The following MBP variants were observed in gnomAD, a reference collection of about 807,000 sequenced individuals.
MBP encodes the protein myelin basic protein.
Under a neutral mutation model 35.8 loss-of-function variants are expected in MBP, and 16 were observed. The observed-to-expected ratio is 0.45, with a 90% confidence interval of 0.30 to 0.68. The LOEUF (loss-of-function observed/expected upper bound fraction) is 0.68, where lower values mean the gene tolerates loss of function less well. MBP is among the 30% of genes least tolerant of loss of function. The pLI is 0.08. For synonymous variants in MBP, 143 were observed against 159.6 expected, an observed-to-expected ratio of 0.90 and a Z score of 0.78; for missense variants, 380 against 404.7, an observed-to-expected ratio of 0.94 and a Z score of 0.52.
At chr18:77,117,577 G>C (rs1049144396) in intron 1 of MBP, among the ~76,000 whole-genome samples, 1 of 152,016 alleles carries the variant, frequency 6.6e-6, no homozygotes, top group African/African-American at 2.4e-5. Context: ...TGGCTTGCCT[G>C]ATAGATTGTG....
At chr18:77,045,849 G>T (rs1014369726) in intron 3 of MBP, among the ~76,000 whole-genome samples, 1 of 152,222 alleles carries the variant, frequency 6.6e-6, no homozygotes, top group African/African-American at 2.4e-5. Flanking sequence ...CTGACATCCT[G>T]GAAAGTGGAT....
chr18:77,068,711 C>T (rs139070489), intron 2 of MBP, among the ~76,000 whole-genome samples: 8 of 152,264 alleles, frequency 5.3e-5, no homozygotes, highest in South Asian at 2.1e-4. Context: ...CAGAGTCCCA[C>T]GAAACAGTTA....
chr18:76,985,874 C>T, intron 7 of MBP: 2 of 988,692 alleles, frequency 2.0e-6, no homozygotes, highest in Non-Finnish European at 2.4e-6. Context: ...GAAGAGCAGG[C>T]CGCCCTGCCC....
intron 2 of MBP, among the ~76,000 whole-genome samples, chr18:77,073,631 C>A (rs1974537171): frequency 6.6e-6 from 1 of 152,218 alleles, no homozygotes; most frequent in East Asian, 1.9e-4. Flanking sequence ...CTGTTATTTG[C>A]TGCAGATAGA....
intron 3 of MBP, among the ~76,000 whole-genome samples, chr18:77,024,102 A>G (rs1247544026): frequency 7.2e-5 from 11 of 152,336 alleles, no homozygotes; most frequent in African/African-American, 2.6e-4. Flanking sequence ...TGCTTTTTAT[A>G]TACTTATTTT....
intron 2 of MBP, among the ~76,000 whole-genome samples, chr18:77,068,653 G>T (rs1256411367): frequency 6.6e-6 from 1 of 152,194 alleles, no homozygotes; most frequent in Non-Finnish European, 1.5e-5. Flanking sequence ...TTCTGTTGCT[G>T]GTTGGCCGCT....
intron 1 of MBP, among the ~76,000 whole-genome samples, chr18:77,116,903 A>G (rs1424924428): frequency 1.3e-5 from 2 of 152,102 alleles, no homozygotes; most frequent in Non-Finnish European, 2.9e-5. Flanking sequence ...AGCAAGCCCA[A>G]GGAACACAAG....
chr18:77,013,548 T>C (rs1029933098), intron 4 of MBP: 1 of 985,300 alleles, frequency 1.0e-6, no homozygotes. Flanking sequence ...ACAGGACTGA[T>C]TATATCCCAC....
At chr18:77,079,013 G>T (rs1045896200) in intron 2 of MBP, among the ~76,000 whole-genome samples, 2 of 152,246 alleles carry the variant, frequency 1.3e-5, no homozygotes, top group African/African-American at 2.4e-5. Flanking sequence ...CCCAGCAGGA[G>T]AGGAGACTTG....
At chr18:77,120,540 C>T (rs917524401) in intron 1 of MBP, among the ~76,000 whole-genome samples, 2 of 152,228 alleles carry the variant, frequency 1.3e-5, no homozygotes, top group African/African-American at 4.8e-5. Flanking sequence ...ATGCCCTCTG[C>T]CTGGCTTCTC....
chr18:77,126,488 C>T lies in MBP; in HGVS notation c.-26+6092G>A, dbSNP rs148563693. Among the ~76,000 whole-genome samples, 1,490 of 152,256 alleles carry T rather than the reference C, an allele frequency of 9.8e-3. 12 individuals are homozygous for T. Among genetic ancestry groups the T allele is most frequent in the Non-Finnish European group, 0.015 (1,000 of 67,998 alleles). On this transcript the variant is annotated intron_variant, in intron 1 of 8. Coordinates refer to ENST00000355994, the MANE Select transcript of MBP (RefSeq NM_001025101.2). ...CTTTGCCCTTTAGGTCAGAATAAGG[C>T]AAGTTCTTGCAACTCTTATTGAATA...
At chr18:76,981,133 C>T (rs2123035393) in intron 8 of MBP, 1 of 152,626 alleles carries the variant, frequency 6.6e-6, no homozygotes, top group African/African-American at 2.4e-5. Context: ...TGTGCTGTGG[C>T]CCACGGTGTG....
At position 77,013,816 on chromosome 18, in the gene MBP, A is replaced by G. The variant is rs966651675; in HGVS notation, c.576+3016T>C. On this transcript the variant is annotated intron_variant, in intron 4 of 8. Transcript: ENST00000355994. ...GGAACTATCCAAGTGGCACATCACC[A>G]TGTCCAGCTTAGGTGTCTTGTGAAA... 36 of 985,354 alleles carry G rather than the reference A, an allele frequency of 3.7e-5. No individual in the cohort carries two copies. In the African/African-American group the frequency reaches 5.4e-4, roughly 15 times the overall value. The allele number at this position is 985,354 out of a possible 1,614,324, so 61.0% of individuals were successfully genotyped here.
intron 3 of MBP, among the ~76,000 whole-genome samples, chr18:77,051,651 G>A (rs1973493507): frequency 6.6e-6 from 1 of 152,200 alleles, no homozygotes; most frequent in Non-Finnish European, 1.5e-5. Flanking sequence ...TGTGGAAGGA[G>A]AGCTTAGGAA....
intron 2 of MBP, among the ~76,000 whole-genome samples, chr18:77,091,114 T>A (rs1320920125): frequency 1.3e-5 from 2 of 152,156 alleles, no homozygotes; most frequent in African/African-American, 4.8e-5. Context: ...ACGTGAACAT[T>A]TCTAGACACT....
intron 4 of MBP, among the ~76,000 whole-genome samples, chr18:76,996,435 T>C (rs1970274977): frequency 6.6e-6 from 1 of 152,246 alleles, no homozygotes; most frequent in African/African-American, 2.4e-5. Context: ...TCATAGCAGC[T>C]AAACCCACTA....
intron 2 of MBP, among the ~76,000 whole-genome samples, chr18:77,088,669 GTT>G (rs1447158358): frequency 7.1e-6 from 1 of 140,698 alleles, no homozygotes; most frequent in African/African-American, 2.6e-5. Context: ...AAACAAACTG[GTT>G]TTTATAATAA....
chr18:76,980,202 CAG>C lies in MBP; in HGVS notation c.*223_*224del, dbSNP rs879644883. 4 of 637,534 alleles carry C rather than the reference CAG, an allele frequency of 6.3e-6. No individual in the cohort carries two copies. The highest frequency in any genetic ancestry group is 1.1e-5 in the Non-Finnish European group (4 of 356,108). 39.5% of individuals were successfully genotyped at this position (637,534 alleles called of 1,614,324 possible). On this transcript the variant is annotated 3_prime_UTR_variant, in exon 9 of 9. Coordinates refer to ENST00000355994, the MANE Select transcript of MBP (RefSeq NM_001025101.2). ...CGGGGGAAGGAACGTGATCTTCACA[CAG>C]AAAGGGACAGTTTTAACCGTTTTCT...
rs1008994413 is a variant in MBP, at chr18:77,102,922, G to A, written c.51+2289C>T. Among the ~76,000 whole-genome samples, 3 of 152,182 alleles carry A rather than the reference G, an allele frequency of 2.0e-5. No homozygotes were observed. Among genetic ancestry groups the A allele is most frequent in the Non-Finnish European group, 4.4e-5 (3 of 68,032 alleles). ...TTAGTAACTTAATACATTTATGGTT[G>A]TTATTGCTAATTATAATGCTGACAT... On this transcript the variant is annotated intron_variant, in intron 2 of 8. Coordinates refer to ENST00000355994, the MANE Select transcript of MBP (RefSeq NM_001025101.2). The surrounding 1 kb of genome is among the most constrained non-coding windows in gnomAD (Gnocchi z 4.4).
Sources: allele counts gnomAD v4.1 joint callset (sites outside exome capture counted in the v4.1 genomes callset), GRCh38; gene constraint gnomAD v4.1.1; non-coding constraint Gnocchi (gnomAD v3.1); transcripts MANE v1.5; gene names NCBI Gene and HGNC (gene_info 2026-07-23, HGNC 2026-07-21).